Variants in PTPRD observed in about 807,000 individuals in gnomAD.
PTPRD encodes protein tyrosine phosphatase receptor type D.
Under a neutral mutation model 214.5 loss-of-function variants are expected in PTPRD, and 34 were observed. That is an observed-to-expected ratio of 0.16 (90% CI 0.12 to 0.21). The LOEUF is 0.21. PTPRD is among the 10% of genes least tolerant of loss of function. The probability of loss-of-function intolerance (pLI) is 1.00; values close to 1 mark genes in which losing one functional copy is unlikely to be tolerated. For missense variants in PTPRD, 2,545 were observed against 2,398.7 expected, an observed-to-expected ratio of 1.06 and a Z score of -1.27; for synonymous variants, 1,128 against 845.7, an observed-to-expected ratio of 1.33 and a Z score of -5.79.
At chr9:9,596,035 A>G (rs909266007) in intron 7 of PTPRD, among the ~76,000 whole-genome samples, 2 of 152,032 alleles carry the variant, frequency 1.3e-5, no homozygotes, top group Non-Finnish European at 2.9e-5. Context: ...TCTCATGGTT[A>G]CATATGTCCT....
At chr9:8,420,767 G>A (rs1239952284) in intron 35 of PTPRD, among the ~76,000 whole-genome samples, 1 of 150,880 alleles carries the variant, frequency 6.6e-6, no homozygotes, top group East Asian at 1.9e-4. Flanking sequence ...TGCCCTCAGA[G>A]TTAGCTTTGA....
At chr9:8,732,310 A>G (rs1354665715) in intron 12 of PTPRD, among the ~76,000 whole-genome samples, 1 of 152,198 alleles carries the variant, frequency 6.6e-6, no homozygotes, top group African/African-American at 2.4e-5. Context: ...TAGTAACTTT[A>G]AGAAAAACTC....
intron 9 of PTPRD, among the ~76,000 whole-genome samples, chr9:9,323,959 G>A (rs1289024928): frequency 2.0e-5 from 3 of 152,126 alleles, no homozygotes; most frequent in South Asian, 2.1e-4. Flanking sequence ...CTGTCCTTGT[G>A]ACAGTTTGCT....
intron 9 of PTPRD, among the ~76,000 whole-genome samples, chr9:9,380,726 T>C (rs2061982291): frequency 1.3e-5 from 2 of 152,166 alleles, no homozygotes; most frequent in Admixed American, 6.6e-5. Flanking sequence ...AACAACACTA[T>C]GTACTTGCCG....
intron 9 of PTPRD, among the ~76,000 whole-genome samples, chr9:9,310,808 C>G (rs1412397034): frequency 6.6e-6 from 1 of 151,978 alleles, no homozygotes; most frequent in African/African-American, 2.4e-5. Context: ...ATTCCAGCTA[C>G]TCGGGAGGCT....
chr9:8,603,714 TCTC>T (rs2095024414), intron 14 of PTPRD, among the ~76,000 whole-genome samples: 1 of 152,166 alleles, frequency 6.6e-6, no homozygotes, highest in South Asian at 2.1e-4. Context: ...ATGTCCTAAC[TCTC>T]CTATCCATTG....
At chr9:9,570,850 A>G (rs1184454471) in intron 8 of PTPRD, among the ~76,000 whole-genome samples, 1 of 151,570 alleles carries the variant, frequency 6.6e-6, no homozygotes, top group Non-Finnish European at 1.5e-5. Context: ...CAAATATCCA[A>G]GTATATGGAT....
intron 2 of PTPRD, among the ~76,000 whole-genome samples, chr9:10,455,158 T>G (rs928745656): frequency 2.6e-5 from 4 of 151,772 alleles, no homozygotes; most frequent in Non-Finnish European, 5.9e-5. Context: ...TGACACAAAC[T>G]GATGATGTAA....
intron 3 of PTPRD, among the ~76,000 whole-genome samples, chr9:10,096,051 T>G (rs988864174): frequency 2.0e-5 from 3 of 151,580 alleles, no homozygotes; most frequent in Admixed American, 2.0e-4. Context: ...GAAACACAAC[T>G]AATATTCAGT....
intron 12 of PTPRD, chr9:8,713,295 G>A (rs2098383978): frequency 8.4e-6 from 6 of 715,380 alleles, no homozygotes; most frequent in South Asian, 6.1e-5. Flanking sequence ...GTGGCGGCGA[G>A]CGCGGAGAGG....
At chr9:9,373,675 T>C (rs1596568299) in intron 9 of PTPRD, among the ~76,000 whole-genome samples, 2 of 152,200 alleles carry the variant, frequency 1.3e-5, no homozygotes, top group Admixed American at 6.6e-5. Flanking sequence ...CATTTCCTTC[T>C]CTCTTATAAA....
intron 5 of PTPRD, among the ~76,000 whole-genome samples, chr9:9,912,736 A>C (rs560554789): frequency 3.3e-5 from 5 of 152,190 alleles, no homozygotes; most frequent in Non-Finnish European, 7.4e-5. Context: ...GAAGCCAATA[A>C]CCCAAGTTGA....
intron 3 of PTPRD, among the ~76,000 whole-genome samples, chr9:10,330,887 T>C (rs754864175): frequency 1.3e-5 from 2 of 151,848 alleles, no homozygotes; most frequent in Non-Finnish European, 2.9e-5. Flanking sequence ...CTGGTAAAGT[T>C]AGCCAACTTC....
At chr9:10,370,874 A>G (rs1313337006) in intron 2 of PTPRD, among the ~76,000 whole-genome samples, 1 of 152,032 alleles carries the variant, frequency 6.6e-6, no homozygotes, top group South Asian at 2.1e-4. Context: ...TCTGTGATCA[A>G]TAATCCTCAC....
intron 9 of PTPRD, among the ~76,000 whole-genome samples, chr9:9,240,607 G>C (rs768684252): frequency 3.3e-5 from 5 of 152,148 alleles, no homozygotes; most frequent in Non-Finnish European, 7.4e-5. Flanking sequence ...TATACAAAGA[G>C]AGACACTAAA....
At chr9:9,550,221 C>T (rs947003600) in intron 8 of PTPRD, among the ~76,000 whole-genome samples, 1 of 151,710 alleles carries the variant, frequency 6.6e-6, no homozygotes. Flanking sequence ...AAGTTTCAGA[C>T]TTTAGGCTGC....
At chr9:8,578,663 T>C (rs1259246041) in intron 14 of PTPRD, among the ~76,000 whole-genome samples, 3 of 152,180 alleles carry the variant, frequency 2.0e-5, no homozygotes, top group African/African-American at 4.8e-5. Flanking sequence ...TTTAGACACA[T>C]ATATCTAAAT....
At chr9:10,344,374 T>C (rs561252912) in intron 2 of PTPRD, among the ~76,000 whole-genome samples, 194 of 152,220 alleles carry the variant, frequency 1.3e-3, no homozygotes, top group African/African-American at 4.2e-3. Flanking sequence ...CTCTGTTCTG[T>C]TCCATTGGTC....
intron 4 of PTPRD, among the ~76,000 whole-genome samples, chr9:9,942,281 T>C (rs1055625283): frequency 6.6e-6 from 1 of 152,144 alleles, no homozygotes; most frequent in Admixed American, 6.6e-5. Flanking sequence ...GGTCTTACAT[T>C]TTTCACTTAA....
Sources: allele counts gnomAD v4.1 joint callset (sites outside exome capture counted in the v4.1 genomes callset), GRCh38; gene constraint gnomAD v4.1.1; transcripts MANE v1.5; gene names NCBI Gene and HGNC (gene_info 2026-07-23, HGNC 2026-07-21).